Variants in NUP98 observed in about 807,000 individuals in gnomAD.
The protein encoded by NUP98 is nucleoporin 98 and 96 precursor, also known as nuclear pore complex protein Nup98-Nup96.
In NUP98, 26 loss-of-function variants were observed where a neutral mutation model predicts 191.9. That is an observed-to-expected ratio of 0.14 (90% confidence interval 0.10 to 0.19). The LOEUF (loss-of-function observed/expected upper bound fraction) is 0.19, where lower values mean the gene tolerates loss of function less well. Ranked by LOEUF, NUP98 falls within the 10% of genes least tolerant of loss-of-function variation. NUP98 has a pLI of 1.00. For synonymous variants in NUP98, 808 were observed against 778.4 expected (o/e 1.04, Z -0.63); for missense variants, 1,941 against 2,178.8 (o/e 0.89, Z 2.17).
chr11:3,699,497 C>G, intron 24 of NUP98, 149 bp from the exon 25 acceptor site: 2 of 801,592 alleles, frequency 2.5e-6, no homozygotes, highest in Non-Finnish European at 3.9e-6. Context: ...TCTGTCTCTA[C>G]CTCACTCAAC....
Position 3,762,944 on chromosome 11 carries a change from A to C in NUP98, c.1044T>G (p.Gly348=). 2 of 1,614,086 alleles carry C rather than the reference A, an allele frequency of 1.2e-6. No individual in the cohort carries two copies. Among genetic ancestry groups the C allele is most frequent in the Non-Finnish European group, 1.7e-6 (2 of 1,180,038 alleles). The change falls in exon 9 of 33, where the codon GGT becomes GGG. Residue 348 remains glycine (G), a synonymous_variant. Coordinates refer to ENST00000324932, the MANE Select transcript of NUP98 (RefSeq NM_016320.5). ...STGTAFGTGT[G]LFGQTNTGFG... ...ATCCAGTATTGGTCTGCCCAAAGAGACCTGTTCCTGTTCCAAATGCTGTCC... is the reference window on the plus strand; with the variant it reads ...ATCCAGTATTGGTCTGCCCAAAGAGCCCTGTTCCTGTTCCAAATGCTGTCC...
chr11:3,686,946 C>T (rs2078151061), intron 28 of NUP98, among the ~76,000 whole-genome samples: 1 of 152,038 alleles, frequency 6.6e-6, no homozygotes, highest in Admixed American at 6.6e-5. Flanking sequence ...GAGATCATAC[C>T]ACTGCACTCT....
Position 3,737,321 on chromosome 11 carries a change from C to G in NUP98, c.1409-1997G>C, listed in dbSNP as rs1482428295. Among the ~76,000 whole-genome samples, 4 of 111,970 alleles carry G rather than the reference C, an allele frequency of 3.6e-5. No individual in the cohort carries two copies. The Admixed American group carries it at 4.3e-4, about 12-fold the overall frequency. 73.5% of individuals were successfully genotyped at this position (111,970 alleles called of 152,430 possible). Reference sequence around the variant, plus strand: ...GGGTGGAGAACAAAAGCAGTAATAACAAAAAAAAAAAAAAAAAAAAGAGGC... The same window carrying G: ...GGGTGGAGAACAAAAGCAGTAATAAGAAAAAAAAAAAAAAAAAAAAGAGGC... On this transcript the variant is annotated intron_variant, in intron 12 of 32. Transcript: ENST00000324932.
chr11:3,769,860 G>A (rs1399687998), intron 7 of NUP98, among the ~76,000 whole-genome samples: 6 of 151,688 alleles, frequency 4.0e-5, no homozygotes, highest in East Asian at 1.9e-4. Context: ...TGGCCAAGAC[G>A]GTAAAACCCC....
intron 27 of NUP98, among the ~76,000 whole-genome samples, chr11:3,691,912 A>G (rs138277700): frequency 2.8e-4 from 43 of 152,296 alleles, no homozygotes; most frequent in African/African-American, 1.0e-3. Context: ...ATAGACAGCC[A>G]TGTGCAGTGG....
At chr11:3,720,978 GT>G in intron 16 of NUP98, 153 bp from the exon 17 acceptor site, 1 of 234,752 alleles carries the variant, frequency 4.3e-6, no homozygotes, top group Non-Finnish European at 7.6e-6. Flanking sequence ...GTGTGTGAGT[GT>G]GTGTGTGTGT....
intron 11 of NUP98, among the ~76,000 whole-genome samples, chr11:3,749,031 G>A (rs1372527237): frequency 3.9e-5 from 6 of 152,024 alleles, no homozygotes; most frequent in Non-Finnish European, 5.9e-5. Context: ...TAAGAGGGCC[G>A]GGCGCGGTGG....
chr11:3,714,117 G>T, intron 18 of NUP98, 122 bp from the exon 19 acceptor site: 2 of 1,000,968 alleles, frequency 2.0e-6, no homozygotes, highest in South Asian at 1.5e-5. Flanking sequence ...GAATTATTCT[G>T]CATGTGTCAT....
chr11:3,790,802 C>A (rs2082307498), intron 1 of NUP98, among the ~76,000 whole-genome samples: 1 of 152,168 alleles, frequency 6.6e-6, no homozygotes, highest in South Asian at 2.1e-4. Flanking sequence ...TCAAAAACTT[C>A]TGCTTACTGA....
intron 4 of NUP98, among the ~76,000 whole-genome samples, chr11:3,776,787 C>T (rs757189143): frequency 8.4e-4 from 14 of 16,660 alleles, no homozygotes; most frequent in East Asian, 1.6e-3. Context: ...CCACAGTGCC[C>T]GGCCCAAATA....
At position 3,713,945 on chromosome 11, in the gene NUP98, C is replaced by T. The variant is rs2079096431; in HGVS notation, c.2450G>A (p.Arg817His). 3 of 1,613,928 alleles carry T rather than the reference C, an allele frequency of 1.9e-6. No homozygotes were observed. The highest frequency in any genetic ancestry group is 1.3e-5 in the African/African-American group (1 of 74,884). ...DGVWPTDKTS[R>H]CLIKSPDRLA... The stretch of plus-strand genomic sequence containing the variant: ...GCGATCTGGGCTCTTTATTAAACAA[C>T]GAGATGTTTTATCTGTTGGCCAAAC... Residue 817 changes from arginine to histidine, a missense_variant, in exon 19 of 33, where the codon CGT becomes CAT. By Grantham distance (29) the Arg-to-His change is conservative (BLOSUM62 0). Transcript: ENST00000324932.
rs530105726 is a variant in NUP98, at chr11:3,763,534, G to A, written c.949-495C>T. The stretch of plus-strand genomic sequence containing the variant: ...CAGCGAAAATAAATCAACACGGACC[G>A]AGGTACGAGTGTTATGTTAAAGAGC... On this transcript the variant is annotated intron_variant, in intron 8 of 32. Coordinates refer to ENST00000324932, the MANE Select transcript of NUP98 (RefSeq NM_016320.5). Among the ~76,000 whole-genome samples the A allele has an allele frequency of 9.9e-5, 15 of 152,270 alleles. No homozygotes were observed. The East Asian group carries it at 1.7e-3, about 18-fold the overall frequency.
At chr11:3,704,506 A>G (rs1375373596) in intron 22 of NUP98, among the ~76,000 whole-genome samples, 2 of 152,244 alleles carry the variant, frequency 1.3e-5, no homozygotes, top group Non-Finnish European at 2.9e-5. Flanking sequence ...AGACAATAAG[A>G]CAGTGCTGTA....
rs1207832739 is a variant in NUP98, at chr11:3,702,866, T to C, written c.3109A>G (p.Thr1037Ala). 4 of 1,612,052 alleles carry C rather than the reference T, an allele frequency of 2.5e-6. No homozygotes were observed. The East Asian group carries it at 8.9e-5, about 36-fold the overall frequency. ...LVGGLLQSKF[T>A]SGAFLSPSVS... ...CTTGGTGAAAGAAAAGCTCCACTTG[T>C]AAATTTTGATTGTAGTAACCCACCA... The change falls in exon 23 of 33, where the codon ACA (threonine) becomes GCA (alanine). Residue 1037 changes from threonine (T) to alanine (A), a missense_variant. By Grantham distance (58) the Thr-to-Ala change is moderately conservative (BLOSUM62 0). This residue lies in a region of NUP98 where 1,030 missense variants were observed against 1,115.8 expected (regional missense o/e 0.92). Coordinates refer to ENST00000324932, the MANE Select transcript of NUP98 (RefSeq NM_016320.5).
intron 27 of NUP98, among the ~76,000 whole-genome samples, chr11:3,691,847 C>A (rs186786232): frequency 1.9e-4 from 29 of 152,248 alleles, no homozygotes; most frequent in Admixed American, 2.6e-4. Context: ...AATGACCGCA[C>A]CCGGCCTAGA....
At position 3,688,241 on chromosome 11, in the gene NUP98, C is replaced by T. The variant is rs144389585; in HGVS notation, c.4455-2047G>A. Among the ~76,000 whole-genome samples, 50 of 151,834 alleles carry T rather than the reference C, an allele frequency of 3.3e-4. No individual in the cohort carries two copies. The East Asian group carries it at 9.2e-3, about 28-fold the overall frequency. The stretch of plus-strand genomic sequence containing the variant: ...AACATGGTGAAACCATGGTGAAACC[C>T]CGTCTCTACTAAAAATTAGCCGGGC... On this transcript the variant is annotated intron_variant, in intron 28 of 32. Coordinates refer to ENST00000324932, the MANE Select transcript of NUP98 (RefSeq NM_016320.5).
At chr11:3,784,822 G>C (rs1480479906) in intron 1 of NUP98, among the ~76,000 whole-genome samples, 3 of 151,992 alleles carry the variant, frequency 2.0e-5, no homozygotes, top group Non-Finnish European at 4.4e-5. Context: ...TTTGCATTCA[G>C]AAAAAGTTCA....
Position 3,702,345 on chromosome 11 carries a change from T to A in NUP98, c.3512+118A>T, listed in dbSNP as rs548478384. 1,246 of 678,878 alleles carry A rather than the reference T, an allele frequency of 1.8e-3. 7 individuals carry two copies. The African/African-American group carries it at 0.021, about 12-fold the overall frequency. The allele number at this position is 678,878 out of a possible 1,614,324, so 42.1% of individuals were successfully genotyped here. On this transcript the variant is annotated intron_variant, in intron 23 of 32. Coordinates refer to ENST00000324932, the MANE Select transcript of NUP98 (RefSeq NM_016320.5). ...CTCTCTCTCTCTCTCTCTCTCTCTC[T>A]CTCTCTCTCTCTCTCTCTCTCTCTA...
chr11:3,719,504 T>G lies in NUP98; in HGVS notation c.2307A>C (p.Leu769=). 3.1e-6 allele frequency: 5 copies of G among 1,592,114 alleles called. No individual in the cohort carries two copies. The highest frequency in any genetic ancestry group is 4.3e-6 in the Non-Finnish European group (5 of 1,171,634). Residue 769 remains leucine (L), a synonymous_variant, in exon 18 of 33, where the codon CTA becomes CTC. Transcript: ENST00000324932. ...YFEGDVNLTN[L]NLDDIVHIRR... is the part of the protein sequence containing the mutation. The stretch of plus-strand genomic sequence containing the variant: ...GGATATGCACAATATCATCCAAATT[T>G]AGATTTGTCAAATTCACATCTCCTT...
Sources: allele counts gnomAD v4.1 joint callset (sites outside exome capture counted in the v4.1 genomes callset), GRCh38; gene constraint gnomAD v4.1.1; regional missense constraint gnomAD v4.1.1; transcripts MANE v1.5; gene names NCBI Gene and HGNC (gene_info 2026-07-23, HGNC 2026-07-21).